PDS5B: variants seen among roughly 807,000 people sequenced by gnomAD.
PDS5B encodes the protein PDS5 cohesin associated factor B, also known as sister chromatid cohesion protein PDS5 homolog B.
In PDS5B, 51 loss-of-function variants were observed where a neutral mutation model predicts 184.1. The ratio of observed to expected loss-of-function variants is 0.28; its 90% CI spans 0.22 to 0.35. PDS5B has a LOEUF of 0.35. Among genes scored for constraint, PDS5B ranks in the 10% least tolerant of loss-of-function variants. PDS5B has a pLI of 1.00. For synonymous variants in PDS5B, 566 were observed against 569.2 expected, an observed-to-expected ratio of 0.99 and a Z score of 0.08; for missense variants, 1,180 against 1,723.3, an observed-to-expected ratio of 0.68 and a Z score of 5.58.
At chr13:32,640,853 G>C (rs1395137888) in intron 1 of PDS5B, among the ~76,000 whole-genome samples, 2 of 151,522 alleles carry the variant, frequency 1.3e-5, no homozygotes, top group African/African-American at 2.4e-5. Flanking sequence ...AGGAGATCGA[G>C]ACCATCCTGG....
intron 3 of PDS5B, among the ~76,000 whole-genome samples, chr13:32,655,374 A>ATATATATATATATATATATTTTTTTT: frequency 1.4e-5 from 1 of 72,484 alleles, no homozygotes; most frequent in Non-Finnish European, 2.2e-5. Context: ...ATATATATAT[A>ATATATATATATATATATATTTTTTTT]TTTTTTTTTT....
At chr13:32,697,978 G>T (rs942713434) in intron 15 of PDS5B, among the ~76,000 whole-genome samples, 1 of 152,092 alleles carries the variant, frequency 6.6e-6, no homozygotes, top group African/African-American at 2.4e-5. Context: ...GTGAGCCACG[G>T]TGCCTGGCCT....
intron 6 of PDS5B, among the ~76,000 whole-genome samples, chr13:32,660,353 G>T (rs1293371617): frequency 6.6e-6 from 1 of 152,216 alleles, no homozygotes; most frequent in African/African-American, 2.4e-5. Context: ...CTGGGGCCCA[G>T]CTAGTGACTT....
rs542643113 is a variant in PDS5B at position 32,613,425 on chromosome 13, A to T, written c.-20+26832A>T. Among the ~76,000 whole-genome samples the T allele has an allele frequency of 2.0e-5, 3 of 152,322 alleles. No homozygotes were observed. The East Asian group carries it at 5.8e-4, about 29-fold the overall frequency. On this transcript the variant is annotated intron_variant, in intron 1 of 34. Transcript: ENST00000315596. ...TCTTATTGTCTGTCATTTTGATTAT[A>T]GTCATTGCAGTGGGTGTAAACTGGT...
intron 1 of PDS5B, among the ~76,000 whole-genome samples, chr13:32,587,289 C>T (rs1053138198): frequency 1.3e-5 from 2 of 151,982 alleles, no homozygotes; most frequent in African/African-American, 4.8e-5. Flanking sequence ...GCTCACCGCG[C>T]CACCCCGAGT....
At chr13:32,648,466 T>A (rs1297174677) in intron 1 of PDS5B, among the ~76,000 whole-genome samples, 3 of 152,180 alleles carry the variant, frequency 2.0e-5, no homozygotes, top group Non-Finnish European at 4.4e-5. Context: ...AAAGTATTTA[T>A]TTTTTATTTT....
intron 22 of PDS5B, among the ~76,000 whole-genome samples, chr13:32,741,603 A>G (rs1425497926): frequency 6.6e-6 from 1 of 152,050 alleles, no homozygotes; most frequent in Non-Finnish European, 1.5e-5. Flanking sequence ...TGTAGTGTAG[A>G]CCTCATGTCA....
chr13:32,589,932 C>T (rs138205173), intron 1 of PDS5B, among the ~76,000 whole-genome samples: 116 of 152,200 alleles, frequency 7.6e-4, no homozygotes, highest in African/African-American at 2.6e-3. Flanking sequence ...TTTTAGAATC[C>T]TTTCTCATTA....
intron 19 of PDS5B, among the ~76,000 whole-genome samples, chr13:32,720,418 A>G (rs1952630252): frequency 6.6e-6 from 1 of 152,134 alleles, no homozygotes; most frequent in South Asian, 2.1e-4. Context: ...TCCCAGAGAT[A>G]ATTAGAAAAG....
At chr13:32,762,374 C>G (rs1422391498) in intron 30 of PDS5B, among the ~76,000 whole-genome samples, 1 of 152,070 alleles carries the variant, frequency 6.6e-6, no homozygotes, top group African/African-American at 2.4e-5. Flanking sequence ...TACCAAATTT[C>G]TTATAATGAA....
intron 11 of PDS5B, among the ~76,000 whole-genome samples, chr13:32,686,385 A>G (rs1951391263): frequency 6.6e-6 from 1 of 152,216 alleles, no homozygotes. Flanking sequence ...CATCTTAATT[A>G]CTATTATTTG....
chr13:32,692,414 C>CTTTTTTTTTT (rs1593440334), intron 13 of PDS5B, among the ~76,000 whole-genome samples: 2,553 of 69,134 alleles, frequency 0.037, 1,066 homozygotes, highest in Middle Eastern at 0.059. Flanking sequence ...GTCCAAAAAG[C>CTTTTTTTTTT]CTTTTTTTTT....
At chr13:32,716,193 T>C (rs1952400621) in intron 19 of PDS5B, among the ~76,000 whole-genome samples, 1 of 382 alleles carries the variant, frequency 2.6e-3, no homozygotes, top group Non-Finnish European at 3.6e-3. Flanking sequence ...CTGCCCGGCG[T>C]GCCATCCCAT....
At chr13:32,717,715 T>A (rs989278459) in intron 19 of PDS5B, among the ~76,000 whole-genome samples, 27 of 127,444 alleles carry the variant, frequency 2.1e-4, no homozygotes, top group East Asian at 4.4e-4. Flanking sequence ...AATAAATCAA[T>A]AAATTAAAAA....
At chr13:32,682,425 C>G (rs537022092) in intron 10 of PDS5B, among the ~76,000 whole-genome samples, 2 of 152,168 alleles carry the variant, frequency 1.3e-5, no homozygotes, top group Admixed American at 6.6e-5. Flanking sequence ...AGAGATCTGG[C>G]TGCTTTCACA....
chr13:32,773,573 T>C (rs1319650912), intron 34 of PDS5B, among the ~76,000 whole-genome samples: 2 of 152,190 alleles, frequency 1.3e-5, no homozygotes, highest in Non-Finnish European at 2.9e-5. Context: ...ATATTGACAC[T>C]TTAAGCATGT....
intron 31 of PDS5B, 151 bp from the exon 32 acceptor site, chr13:32,769,970 C>G: frequency 1.8e-6 from 1 of 547,148 alleles, no homozygotes; most frequent in Non-Finnish European, 3.0e-6. Flanking sequence ...ATAATAAAAG[C>G]AAATAAATAC....
chr13:32,682,196 G>GT (rs1951266935), intron 10 of PDS5B, among the ~76,000 whole-genome samples: 1 of 152,022 alleles, frequency 6.6e-6, no homozygotes, highest in Non-Finnish European at 1.5e-5. Flanking sequence ...CTTAAAAAAA[G>GT]TGTAATTAGC....
chr13:32,640,327 A>G (rs180780417), intron 1 of PDS5B, among the ~76,000 whole-genome samples: 61 of 152,202 alleles, frequency 4.0e-4, no homozygotes, highest in Non-Finnish European at 8.2e-4. Flanking sequence ...GCTCACTGCA[A>G]CCTCCACCTC....
Sources: allele counts gnomAD v4.1 joint callset (sites outside exome capture counted in the v4.1 genomes callset), GRCh38; gene constraint gnomAD v4.1.1; transcripts MANE v1.5; gene names NCBI Gene and HGNC (gene_info 2026-07-23, HGNC 2026-07-21).